RIMS2: variants seen among roughly 807,000 people sequenced by gnomAD.
The protein encoded by RIMS2 is regulating synaptic membrane exocytosis 2, also known as regulating synaptic membrane exocytosis protein 2.
In RIMS2, 59 loss-of-function variants were observed where a neutral mutation model predicts 174.4. That is an observed-to-expected ratio of 0.34 (90% CI 0.27 to 0.42). The LOEUF is 0.42. Among genes scored for constraint, RIMS2 ranks in the 10% least tolerant of loss-of-function variants. RIMS2 has a pLI of 1.00. For synonymous variants in RIMS2, 606 were observed against 572.5 expected, an observed-to-expected ratio of 1.06 and a Z score of -0.84; for missense variants, 1,620 against 1,666.3, an observed-to-expected ratio of 0.97 and a Z score of 0.48.
intron 3 of RIMS2, among the ~76,000 whole-genome samples, chr8:103,821,182 G>A: frequency 6.6e-6 from 1 of 151,614 alleles, no homozygotes. Context: ...AGGGAATTGT[G>A]TGCATCCCTA....
At chr8:103,616,318 A>AT (rs2095504135) in intron 1 of RIMS2, among the ~76,000 whole-genome samples, 2 of 152,150 alleles carry the variant, frequency 1.3e-5, no homozygotes, top group African/African-American at 2.4e-5. Context: ...AAAATTCAAC[A>AT]TTTTTTCATG....
intron 19 of RIMS2, among the ~76,000 whole-genome samples, chr8:104,110,637 C>A (rs1336980083): frequency 6.6e-6 from 1 of 152,080 alleles, no homozygotes; most frequent in Non-Finnish European, 1.5e-5. Flanking sequence ...AATCAGTCAA[C>A]AAGATAAGAA....
At chr8:104,002,384 A>G (rs1277790465) in intron 17 of RIMS2, among the ~76,000 whole-genome samples, 1 of 152,078 alleles carries the variant, frequency 6.6e-6, no homozygotes, top group Non-Finnish European at 1.5e-5. Flanking sequence ...CCTATTTAAC[A>G]AAGTTCAAAC....
At chr8:103,911,114 T>C (rs1211831092) in intron 5 of RIMS2, among the ~76,000 whole-genome samples, 4 of 152,200 alleles carry the variant, frequency 2.6e-5, no homozygotes, top group African/African-American at 9.6e-5. Flanking sequence ...AGTGGGACTT[T>C]TGATATCTTT....
At chr8:103,551,605 TCAGA>T (rs1847959263) in intron 1 of RIMS2, among the ~76,000 whole-genome samples, 1 of 152,092 alleles carries the variant, frequency 6.6e-6, no homozygotes, top group African/African-American at 2.4e-5. Flanking sequence ...GCCAGGGCAA[TCAGA>T]CAGGAGAAAG....
intron 1 of RIMS2, among the ~76,000 whole-genome samples, chr8:103,696,224 C>G (rs936255663): frequency 3.9e-5 from 6 of 152,216 alleles, no homozygotes; most frequent in African/African-American, 1.2e-4. Flanking sequence ...ACTTTCAAAT[C>G]TACTCAAGAG....
chr8:104,086,017 G>A (rs570564120), intron 19 of RIMS2, among the ~76,000 whole-genome samples: 1 of 151,912 alleles, frequency 6.6e-6, no homozygotes, highest in Non-Finnish European at 1.5e-5. Flanking sequence ...ATGATCCTGG[G>A]GTAATATAGT....
intron 17 of RIMS2, among the ~76,000 whole-genome samples, chr8:104,003,417 C>CTT (rs56779976): frequency 0.13 from 18,010 of 142,138 alleles, 1,483 homozygotes; most frequent in Non-Finnish European, 0.19. Context: ...TGTGAAGAAT[C>CTT]TTTTTTTTTT....
intron 3 of RIMS2, chr8:103,819,732 G>T: frequency 1.2e-6 from 1 of 812,454 alleles, no homozygotes; most frequent in South Asian, 1.9e-5. Context: ...TGTTATAAAG[G>T]TGTTATCTGT....
chr8:104,094,108 C>T, intron 19 of RIMS2, among the ~76,000 whole-genome samples: 2 of 151,956 alleles, frequency 1.3e-5, no homozygotes, highest in Middle Eastern at 7.2e-3. Context: ...AAAATTTATA[C>T]ATATAGTATA....
At chr8:104,229,316 A>C (rs1414442897) in intron 19 of RIMS2, among the ~76,000 whole-genome samples, 1 of 152,094 alleles carries the variant, frequency 6.6e-6, no homozygotes, top group Admixed American at 6.6e-5. Context: ...GTTCTCTTTC[A>C]TATTGAAATG....
At chr8:103,973,328 A>G (rs2093094714) in intron 15 of RIMS2, among the ~76,000 whole-genome samples, 2 of 152,086 alleles carry the variant, frequency 1.3e-5, no homozygotes, top group African/African-American at 2.4e-5. Context: ...ATTACATAAT[A>G]TATGTGTTCC....
In RIMS2 at chr8:103,960,069, G is replaced by T. The variant is rs143282460; in HGVS notation, c.2702-996G>T. Among the ~76,000 whole-genome samples, 461 of 152,230 alleles carry T rather than the reference G, an allele frequency of 3.0e-3. 2 individuals are homozygous for T. Among genetic ancestry groups the T allele is most frequent in the African/African-American group, 0.01 (428 of 41,534 alleles). Reference sequence around the variant, plus strand: ...AAAAAATCAATGAATCCAGGAGCTGGATTTTTTTAAAAGATCGACAAAATT... The same window carrying T: ...AAAAAATCAATGAATCCAGGAGCTGTATTTTTTTAAAAGATCGACAAAATT... On this transcript the variant is annotated intron_variant, in intron 14 of 23. Coordinates refer to ENST00000504942, the Ensembl canonical transcript of RIMS2.
chr8:103,978,485 CTG>C (rs1324558953), intron 16 of RIMS2, among the ~76,000 whole-genome samples: 1 of 151,092 alleles, frequency 6.6e-6, no homozygotes, highest in Non-Finnish European at 1.5e-5. Context: ...ATTAGACAGT[CTG>C]TACTTTGCAC....
At position 103,738,859 on chromosome 8, in the gene RIMS2, C is replaced by T. The variant is rs570022970; in HGVS notation, c.388-27368C>T. Among the ~76,000 whole-genome samples, 146 of 151,796 alleles carry T rather than the reference C, an allele frequency of 9.6e-4. 3 individuals are homozygous for T. In the South Asian group the frequency reaches 0.03, roughly 31 times the overall value. On this transcript the variant is annotated intron_variant, in intron 2 of 23. Transcript: ENST00000504942. Reference sequence around the variant, plus strand: ...ATCTCACACCAGTTAGAATGGCGATCATTAAAAAGTCAGGAAACAACAGGT... The same window carrying T: ...ATCTCACACCAGTTAGAATGGCGATTATTAAAAAGTCAGGAAACAACAGGT...
chr8:103,754,204 A>T (rs2097941770), intron 2 of RIMS2, among the ~76,000 whole-genome samples: 1 of 152,142 alleles, frequency 6.6e-6, no homozygotes, highest in Non-Finnish European at 1.5e-5. Flanking sequence ...GTCATTCAGG[A>T]GCAGGTTGTT....
At chr8:104,092,700 T>A (rs1211299271) in intron 19 of RIMS2, among the ~76,000 whole-genome samples, 1 of 151,956 alleles carries the variant, frequency 6.6e-6, no homozygotes, top group Non-Finnish European at 1.5e-5. Flanking sequence ...CTCCAAAGTC[T>A]ATCCTTTTTA....
At chr8:103,859,726 G>T (rs575804204) in intron 3 of RIMS2, among the ~76,000 whole-genome samples, 57 of 152,008 alleles carry the variant, frequency 3.7e-4, no homozygotes, top group African/African-American at 1.4e-3. Flanking sequence ...TTTACTTTTT[G>T]TTCTTGTATA....
At chr8:104,243,845 G>T (rs758562955) in intron 19 of RIMS2, among the ~76,000 whole-genome samples, 1 of 152,142 alleles carries the variant, frequency 6.6e-6, no homozygotes, top group African/African-American at 2.4e-5. Flanking sequence ...TCGAGCTTTG[G>T]TAGCCTCTCA....
Sources: allele counts gnomAD v4.1 joint callset (sites outside exome capture counted in the v4.1 genomes callset), GRCh38; gene constraint gnomAD v4.1.1; transcripts MANE v1.5; gene names NCBI Gene and HGNC (gene_info 2026-07-23, HGNC 2026-07-21).